Variants in CENPI observed in about 807,000 individuals in gnomAD.
CENPI encodes the protein FSH primary response 1.
In CENPI, 4 loss-of-function variants were observed where a neutral mutation model predicts 60.4. The observed-to-expected ratio is 0.07, with a 90% CI of 0.03 to 0.15. The LOEUF (loss-of-function observed/expected upper bound fraction) is 0.15, where lower values mean the gene tolerates loss of function less well. Ranked by LOEUF, CENPI falls within the 10% of genes least tolerant of loss-of-function variation. The pLI is 1.00. For missense variants in CENPI, 444 were observed against 534.5 expected (o/e 0.83, Z 1.67); for synonymous variants, 157 against 189.4 (o/e 0.83, Z 1.40).
rs771123029 is a variant in CENPI at position 101,109,777 on chromosome X, A to G, written c.484-114A>G. On this transcript the variant is annotated intron_variant, in intron 5 of 21. Transcript: ENST00000682095. ...ACTGAGAAATAAAATCTATTATTCT[A>G]CTTTGTGCCTGAAGCTTCTAAAATA... 5.5e-5 allele frequency: 32 copies of G among 583,775 alleles called. No individual in the cohort carries two copies. In the South Asian group the frequency reaches 8.8e-4, roughly 16 times the overall value. The allele number at this position is 583,775 out of a possible 1,213,427, so 48.1% of individuals were successfully genotyped here.
chrX:101,135,410 G>A lies in CENPI; in HGVS notation c.1470+2954G>A, dbSNP rs779301842. On this transcript the variant is annotated intron_variant, in intron 15 of 21. Coordinates refer to ENST00000682095, the MANE Select transcript of CENPI (RefSeq NM_001386188.2). ...AGATATGAGAAGATAAAAAAATAGAGGGTAGTATAGCTGGATAGTATGAAC... is the reference window on the plus strand; with the variant it reads ...AGATATGAGAAGATAAAAAAATAGAAGGTAGTATAGCTGGATAGTATGAAC... Among the ~76,000 whole-genome samples the A allele has an allele frequency of 5.4e-5, 6 of 111,293 alleles. No homozygotes were observed. The East Asian group carries it at 1.7e-3, about 32-fold the overall frequency.
intron 15 of CENPI, among the ~76,000 whole-genome samples, chrX:101,133,338 T>G (rs1255654807): frequency 1.1e-5 from 1 of 92,309 alleles, no homozygotes; most frequent in Non-Finnish European, 2.1e-5. Flanking sequence ...TTTTTTTTTT[T>G]GCAATTCTGT....
chrX:101,140,565 G>T, intron 15 of CENPI, 101 bp from the exon 16 acceptor site: 1 of 565,170 alleles, frequency 1.8e-6, no homozygotes, highest in Admixed American at 2.8e-5. Context: ...ATTTGATGTG[G>T]TCATCTCCAT....
chrX:101,168,632 A>G (rs1223047159), downstream of CENPI, among the ~76,000 whole-genome samples: 1 of 112,275 alleles, frequency 8.9e-6, no homozygotes, highest in Non-Finnish European at 1.9e-5. Context: ...CTTCTGATCT[A>G]TCAGTAGCTG....
chrX:101,156,271 A>T (rs978572783), intron 20 of CENPI, among the ~76,000 whole-genome samples: 1 of 111,020 alleles, frequency 9.0e-6, no homozygotes, highest in Admixed American at 9.6e-5. Flanking sequence ...TGGCCTCCCT[A>T]AGTGCTGGGA....
At chrX:101,139,631 T>C (rs1021014301) in intron 15 of CENPI, among the ~76,000 whole-genome samples, 7 of 111,302 alleles carry the variant, frequency 6.3e-5, no homozygotes, top group Non-Finnish European at 1.1e-4. Flanking sequence ...AATTGAACTT[T>C]TCTCTGAAGT....
chrX:101,121,856 G>A (rs371334359), intron 8 of CENPI, among the ~76,000 whole-genome samples: 2 of 97,035 alleles, frequency 2.1e-5, no homozygotes, highest in East Asian at 6.8e-4. Flanking sequence ...AGGCTGGAGT[G>A]CAGTGGTGCG....
At chrX:101,170,583 A>G (rs2090154553), downstream of CENPI, among the ~76,000 whole-genome samples, 1 of 112,104 alleles carries the variant, frequency 8.9e-6, no homozygotes, top group Non-Finnish European at 1.9e-5. Flanking sequence ...TTAGAAGACA[A>G]TATTGTTAAG....
downstream of CENPI, among the ~76,000 whole-genome samples, chrX:101,168,192 G>T (rs927980704): frequency 8.9e-6 from 1 of 112,735 alleles, no homozygotes; most frequent in African/African-American, 3.2e-5. Flanking sequence ...ATTAGTTCCT[G>T]ACTAAATGTG....
chrX:101,103,462 C>T (rs1438501923), intron 4 of CENPI, among the ~76,000 whole-genome samples: 2 of 111,146 alleles, frequency 1.8e-5, no homozygotes, highest in Non-Finnish European at 3.8e-5. Flanking sequence ...CTGCCTCAGC[C>T]TCCTGAGTAG....
At chrX:101,144,999 T>G (rs2148230746) in intron 16 of CENPI, 65 bp from the exon 17 acceptor site, 1 of 962,278 alleles carries the variant, frequency 1.0e-6, no homozygotes, top group Non-Finnish European at 1.4e-6. Context: ...ATTATTCAGC[T>G]TTAGCTTGGA....
intron 15 of CENPI, among the ~76,000 whole-genome samples, chrX:101,134,530 A>G (rs1029166170): frequency 9.0e-6 from 1 of 111,429 alleles, no homozygotes; most frequent in African/African-American, 3.3e-5. Context: ...GCAATCATCA[A>G]TTTGGAATGA....
intron 8 of CENPI, among the ~76,000 whole-genome samples, chrX:101,124,209 G>A (rs1014652997): frequency 2.8e-5 from 3 of 108,908 alleles, no homozygotes; most frequent in African/African-American, 1.0e-4. Context: ...TCTACCGGAT[G>A]GGCCAGCAGG....
At position 101,164,456 on chromosome X, in the gene CENPI, C is replaced by T. The variant is rs1341201402; in HGVS notation, c.*1489C>T. On this transcript the variant is annotated 3_prime_UTR_variant, in exon 22 of 22. Coordinates refer to ENST00000682095, the MANE Select transcript of CENPI (RefSeq NM_001386188.2). The stretch of plus-strand genomic sequence containing the variant: ...AAGCAATTCTCCTGCCTCAGCCTCA[C>T]GAATAGCTGGGATTACAGGCACCTA... Among the ~76,000 whole-genome samples, 1 of 111,273 alleles carries T rather than the reference C, an allele frequency of 9.0e-6. No individual in the cohort carries two copies.
intron 20 of CENPI, among the ~76,000 whole-genome samples, chrX:101,151,314 G>A (rs1334737068): frequency 5.4e-5 from 6 of 111,669 alleles, no homozygotes; most frequent in Admixed American, 1.9e-4. Context: ...AATTACCTTA[G>A]TTCTTTGAGA....
intron 17 of CENPI, 63 bp downstream of exon 17, chrX:101,145,262 T>C: frequency 1.1e-6 from 1 of 920,748 alleles, no homozygotes; most frequent in Admixed American, 2.7e-5. Flanking sequence ...TATTGGCTTA[T>C]TATTTAAATT....
At chrX:101,099,285 G>A (rs934065890) in intron 2 of CENPI, among the ~76,000 whole-genome samples, 2 of 109,769 alleles carry the variant, frequency 1.8e-5, no homozygotes, top group South Asian at 3.9e-4. Context: ...ACAAATAGCC[G>A]GGTATGGTGG....
chrX:101,142,629 G>A (rs67225962), intron 16 of CENPI, among the ~76,000 whole-genome samples: 24,449 of 110,394 alleles, frequency 0.22, 1,999 homozygotes, highest in South Asian at 0.34. Flanking sequence ...GATGCTCAAT[G>A]TGCTTCAGTG....
intron 4 of CENPI, among the ~76,000 whole-genome samples, chrX:101,106,018 G>T (rs944179404): frequency 3.6e-5 from 4 of 110,396 alleles, no homozygotes; most frequent in Non-Finnish European, 7.5e-5. Context: ...CTTTTGGTAA[G>T]TTGAGATGCA....
Sources: allele counts gnomAD v4.1 joint callset (sites outside exome capture counted in the v4.1 genomes callset), GRCh38; gene constraint gnomAD v4.1.1; transcripts MANE v1.5; gene names NCBI Gene and HGNC (gene_info 2026-07-23, HGNC 2026-07-21).